ZNF385D: variants seen among roughly 807,000 people sequenced by gnomAD.
ZNF385D encodes the protein zinc finger protein 659.
ZNF385D carries 15 observed loss-of-function variants against 35.8 expected under a neutral mutation model. The ratio of observed to expected loss-of-function variants is 0.42; its 90% CI spans 0.28 to 0.64. The LOEUF is 0.64. ZNF385D is among the 30% of genes least tolerant of loss of function. ZNF385D has a pLI of 0.23. For missense variants in ZNF385D, 474 were observed against 494.6 expected, an observed-to-expected ratio of 0.96 and a Z score of 0.39; for synonymous variants, 212 against 186.8, an observed-to-expected ratio of 1.13 and a Z score of -1.10.
chr3:21,893,919 G>C (rs975983136), intron 3 of ZNF385D, among the ~76,000 whole-genome samples: 3 of 151,992 alleles, frequency 2.0e-5, no homozygotes, highest in African/African-American at 7.2e-5. Context: ...TCATTGTACA[G>C]GTTGTATAGC....
intron 4 of ZNF385D, among the ~76,000 whole-genome samples, chr3:21,481,789 G>A (rs1482178377): frequency 1.3e-5 from 2 of 152,046 alleles, no homozygotes; most frequent in Admixed American, 1.3e-4. Context: ...TAGTATATTT[G>A]TCTTGGGGGC....
intron 2 of ZNF385D, among the ~76,000 whole-genome samples, chr3:22,265,192 T>G (rs1700835484): frequency 6.6e-6 from 1 of 151,850 alleles, no homozygotes. Context: ...ATCAGAAAGA[T>G]ATACAAAAAC....
intron 3 of ZNF385D, among the ~76,000 whole-genome samples, chr3:21,888,251 G>C (rs745417811): frequency 3.3e-5 from 5 of 152,154 alleles, no homozygotes; most frequent in Admixed American, 6.5e-5. Flanking sequence ...AAGTAAGCTA[G>C]TATGGACTTT....
intron 3 of ZNF385D, among the ~76,000 whole-genome samples, chr3:21,999,871 C>T (rs1695727157): frequency 1.3e-5 from 2 of 151,970 alleles, no homozygotes. Context: ...TAATTCTGGG[C>T]ATCACAGAAG....
At chr3:22,025,046 TA>T (rs1697453156) in intron 3 of ZNF385D, among the ~76,000 whole-genome samples, 2 of 152,124 alleles carry the variant, frequency 1.3e-5, no homozygotes, top group South Asian at 4.1e-4. Flanking sequence ...GGGCATTGAT[TA>T]AAAAGAATGG....
chr3:21,972,796 A>T (rs1178742696), intron 3 of ZNF385D, among the ~76,000 whole-genome samples: 3 of 151,952 alleles, frequency 2.0e-5, no homozygotes, highest in African/African-American at 7.2e-5. Context: ...TACTCTGAGC[A>T]ACTATATGCC....
chr3:21,624,461 A>G (rs1224458431), intron 2 of ZNF385D, among the ~76,000 whole-genome samples: 1 of 152,116 alleles, frequency 6.6e-6, no homozygotes, highest in African/African-American at 2.4e-5. Context: ...AAAAGATGAA[A>G]AAGATATGTT....
chr3:21,801,119 A>G (rs1450000085), intron 3 of ZNF385D, among the ~76,000 whole-genome samples: 2 of 152,186 alleles, frequency 1.3e-5, no homozygotes, highest in Admixed American at 6.6e-5. Context: ...ATTCTTTATT[A>G]CATTGATTCA....
At chr3:22,329,176 T>G (rs1488281744) in intron 2 of ZNF385D, among the ~76,000 whole-genome samples, 1 of 151,602 alleles carries the variant, frequency 6.6e-6, no homozygotes, top group Non-Finnish European at 1.5e-5. Context: ...TAGTCCACCG[T>G]CCGTGCTGAT....
At chr3:22,338,271 T>C (rs2125473356) in intron 2 of ZNF385D, among the ~76,000 whole-genome samples, 1 of 152,326 alleles carries the variant, frequency 6.6e-6, no homozygotes, top group East Asian at 1.9e-4. Flanking sequence ...AACCAAGTAA[T>C]ATGTTGACAA....
chr3:22,027,025 G>A (rs1431679977), intron 3 of ZNF385D, among the ~76,000 whole-genome samples: 1 of 152,150 alleles, frequency 6.6e-6, no homozygotes, highest in Non-Finnish European at 1.5e-5. Flanking sequence ...CCATTGACTT[G>A]GCAAATTTCT....
At chr3:22,359,098 A>G (rs1696293360) in intron 2 of ZNF385D, among the ~76,000 whole-genome samples, 1 of 125,114 alleles carries the variant, frequency 8.0e-6, no homozygotes, top group African/African-American at 3.4e-5. Flanking sequence ...AAAAACAAGA[A>G]ACAAAAAAAA....
intron 3 of ZNF385D, among the ~76,000 whole-genome samples, chr3:22,097,563 T>A (rs535521059): frequency 6.6e-6 from 1 of 152,034 alleles, no homozygotes; most frequent in East Asian, 1.9e-4. Context: ...TCCAAGAACA[T>A]TGAAAGAGCA....
At chr3:21,721,861 AG>A (rs1248594663) in intron 1 of ZNF385D, among the ~76,000 whole-genome samples, 1 of 152,128 alleles carries the variant, frequency 6.6e-6, no homozygotes, top group East Asian at 1.9e-4. Context: ...GCACTTTGGG[AG>A]GCCCAGGCGG....
intron 2 of ZNF385D, among the ~76,000 whole-genome samples, chr3:22,362,311 C>T (rs566303531): frequency 3.3e-5 from 5 of 151,752 alleles, no homozygotes; most frequent in Admixed American, 6.6e-5. Context: ...GAAGAATCAA[C>T]GTGGAATATA....
At chr3:22,066,142 A>C (rs947850136) in intron 3 of ZNF385D, among the ~76,000 whole-genome samples, 1 of 151,850 alleles carries the variant, frequency 6.6e-6, no homozygotes, top group Non-Finnish European at 1.5e-5. Flanking sequence ...GGAAAAAAAT[A>C]CCATTTTTTT....
chr3:21,608,652 C>G (rs537600686), intron 2 of ZNF385D, among the ~76,000 whole-genome samples: 1 of 152,200 alleles, frequency 6.6e-6, no homozygotes, highest in Non-Finnish European at 1.5e-5. Flanking sequence ...CAAAAAATGT[C>G]TATTAGTTTT....
rs1694785255 is a variant in ZNF385D at position 21,986,058 on chromosome 3, T to C, written c.325+182759A>G. On this transcript the variant is annotated intron_variant, in intron 3 of 5. Coordinates refer to the ZNF385D transcript ENST00000494108. ...TTGTGTCTATTTGATTCTTCTCTCT[T>C]TTTTTCTTTATTAGTCTTCCTAGCA... Among the ~76,000 whole-genome samples, 2 of 103,940 alleles carry C rather than the reference T, an allele frequency of 1.9e-5. 1 individual carries two copies. The highest frequency in any genetic ancestry group is 3.6e-5 in the Non-Finnish European group (2 of 56,236). The allele number at this position is 103,940 out of a possible 152,430, so 68.2% of individuals were successfully genotyped here.
At chr3:21,591,031 CA>C (rs1158877083) in intron 2 of ZNF385D, among the ~76,000 whole-genome samples, 5 of 147,802 alleles carry the variant, frequency 3.4e-5, no homozygotes, top group Non-Finnish European at 6.0e-5. Flanking sequence ...CTTGTCTCCC[CA>C]AAAAAAAAAT....
Sources: allele counts gnomAD v4.1 joint callset (sites outside exome capture counted in the v4.1 genomes callset), GRCh38; gene constraint gnomAD v4.1.1; transcripts MANE v1.5; gene names NCBI Gene and HGNC (gene_info 2026-07-23, HGNC 2026-07-21).